CNST: variants seen among roughly 807,000 people sequenced by gnomAD.
The protein encoded by CNST is consortin, connexin sorting protein.
Under a neutral mutation model 72.4 loss-of-function variants are expected in CNST, and 39 were observed. The ratio of observed to expected loss-of-function variants is 0.54; its 90% CI spans 0.42 to 0.70. CNST has a LOEUF of 0.70. CNST is among the 30% of genes least tolerant of loss of function. CNST has a pLI of 0.00. For synonymous variants in CNST, 332 were observed against 320.1 expected, an observed-to-expected ratio of 1.04 and a Z score of -0.40; for missense variants, 871 against 868.5, an observed-to-expected ratio of 1.00 and a Z score of -0.04.
intron 9 of CNST, among the ~76,000 whole-genome samples, chr1:246,648,501 A>G (rs756517684): frequency 1.1e-4 from 17 of 152,224 alleles, no homozygotes; most frequent in South Asian, 2.1e-4. Flanking sequence ...ATTTTAAAAT[A>G]TAAGAGGTAC....
chr1:246,647,526 T>A lies in CNST; in HGVS notation c.1325T>A (p.Ile442Lys). Residue 442 changes from isoleucine (I) to lysine (K), a missense_variant, in exon 9 of 11, where the codon ATA becomes AAA. Ile to Lys is a moderately radical substitution (Grantham distance 102). Transcript: ENST00000366513. ...TTGATTTCACCAGGCTGTGACCGTA[T>A]ACCTCCTGCATTGATTTCTGAGGGT... ...EPLISPGCDR[I>K]PPALISEGKY... 1 of 1,614,188 alleles carries A rather than the reference T, an allele frequency of 6.2e-7. No individual in the cohort carries two copies. The highest frequency in any genetic ancestry group is 8.5e-7 in the Non-Finnish European group (1 of 1,180,030).
chr1:246,641,698 AT>A, intron 6 of CNST, 50 bp from the exon 7 acceptor site: 1 of 1,042,176 alleles, frequency 9.6e-7, no homozygotes, highest in Non-Finnish European at 1.5e-6. Flanking sequence ...TTGGAAGCAT[AT>A]TGCTGCTGTA....
intron 1 of CNST, among the ~76,000 whole-genome samples, chr1:246,574,251 C>T (rs892523199): frequency 2.3e-4 from 35 of 152,238 alleles, no homozygotes; most frequent in Admixed American, 9.2e-4. Context: ...CCGTGTTAGC[C>T]AGGATGGTCT....
chr1:246,607,385 T>C (rs1662939192), intron 2 of CNST: 1 of 152,130 alleles, frequency 6.6e-6, no homozygotes, highest in Admixed American at 6.5e-5. Context: ...GGTTTTTTCC[T>C]GGCTAGGGAG....
At position 246,605,641 on chromosome 1, in the gene CNST, C is replaced by T. The variant is rs138061524; in HGVS notation, c.379+13700C>T. Reference sequence around the variant, plus strand: ...CCTGGATGGCCTCTCTGTCTATCCTCGGTGGTGGGTGTCTTCCGGCCGGGG... The same window carrying T: ...CCTGGATGGCCTCTCTGTCTATCCTTGGTGGTGGGTGTCTTCCGGCCGGGG... On this transcript the variant is annotated intron_variant, in intron 2 of 10. Transcript: ENST00000366513. 7.4e-3 allele frequency among the ~76,000 whole-genome samples: 1,103 copies of T among 148,590 alleles called. 2 individuals carry two copies. The highest frequency in any genetic ancestry group is 0.012 in the Non-Finnish European group (794 of 65,746).
At chr1:246,620,120 G>C (rs1298221419) in intron 2 of CNST, among the ~76,000 whole-genome samples, 1 of 27,406 alleles carries the variant, frequency 3.6e-5, no homozygotes. Flanking sequence ...GCTTCATCGT[G>C]GTGCATACAC....
At chr1:246,640,788 A>G (rs534176435) in intron 6 of CNST, among the ~76,000 whole-genome samples, 1 of 152,316 alleles carries the variant, frequency 6.6e-6, no homozygotes, top group African/African-American at 2.4e-5. Flanking sequence ...TTATGCTTCA[A>G]AATTTGGATA....
chr1:246,635,699 G>A (rs1178461694), intron 6 of CNST, among the ~76,000 whole-genome samples: 2 of 152,190 alleles, frequency 1.3e-5, no homozygotes, highest in African/African-American at 4.8e-5. Context: ...TTTGGTTAGT[G>A]ATTATCTCTA....
At chr1:246,622,946 C>G (rs752629651) in intron 3 of CNST, among the ~76,000 whole-genome samples, 3 of 152,094 alleles carry the variant, frequency 2.0e-5, no homozygotes, top group Non-Finnish European at 4.4e-5. Flanking sequence ...GCCTTAGCCT[C>G]CTGAGTAGCT....
At chr1:246,617,084 T>C (rs1020995945) in intron 2 of CNST, among the ~76,000 whole-genome samples, 1 of 152,240 alleles carries the variant, frequency 6.6e-6, no homozygotes, top group African/African-American at 2.4e-5. Context: ...ATTTTCTTTA[T>C]TATTGCTTTT....
chr1:246,573,808 T>C (rs570300383), intron 1 of CNST, among the ~76,000 whole-genome samples: 5 of 152,338 alleles, frequency 3.3e-5, no homozygotes, highest in South Asian at 4.1e-4. Context: ...CCACGTACTT[T>C]GTATAGCCTT....
intron 1 of CNST, among the ~76,000 whole-genome samples, chr1:246,589,876 C>G (rs2103023393): frequency 6.6e-6 from 1 of 152,284 alleles, no homozygotes; most frequent in East Asian, 1.9e-4. Flanking sequence ...TGATGATGAG[C>G]ATTTTTTCAT....
chr1:246,662,959 A>G (rs1225594925), intron 10 of CNST, among the ~76,000 whole-genome samples: 1 of 152,212 alleles, frequency 6.6e-6, no homozygotes, highest in Non-Finnish European at 1.5e-5. Context: ...TTTAAGCTAT[A>G]TTTAAATGTT....
chr1:246,625,663 G>A (rs1174882077), intron 3 of CNST, among the ~76,000 whole-genome samples: 1 of 151,696 alleles, frequency 6.6e-6, no homozygotes, highest in East Asian at 1.9e-4. Flanking sequence ...CTCACGATCC[G>A]CCCGCCTCGG....
intron 6 of CNST, among the ~76,000 whole-genome samples, chr1:246,637,809 CATG>C (rs1213184154): frequency 2.0e-5 from 3 of 152,132 alleles, no homozygotes; most frequent in African/African-American, 7.2e-5. Flanking sequence ...GAATTGTATA[CATG>C]ATGAGAGTTT....
chr1:246,660,596 G>A (rs967742939), intron 10 of CNST, among the ~76,000 whole-genome samples: 15 of 152,058 alleles, frequency 9.9e-5, no homozygotes, highest in African/African-American at 3.1e-4. Flanking sequence ...GTGGGGGTAC[G>A]CGCCTGTAAT....
intron 1 of CNST, among the ~76,000 whole-genome samples, chr1:246,569,493 C>A (rs142738062): frequency 4.7e-4 from 72 of 152,272 alleles, no homozygotes; most frequent in African/African-American, 1.7e-3. Context: ...ATTAAAAACT[C>A]CTCTTCCTGA....
At chr1:246,568,408 G>A (rs1453753698) in intron 1 of CNST, among the ~76,000 whole-genome samples, 1 of 152,132 alleles carries the variant, frequency 6.6e-6, no homozygotes, top group Non-Finnish European at 1.5e-5. Context: ...AATAATAAGA[G>A]ATTTTTGTAC....
Position 246,633,960 on chromosome 1 carries a change from T to C in CNST, c.653T>C (p.Leu218Ser). Residue 218 changes from leucine (L) to serine (S), a missense_variant, in exon 5 of 11, where the codon TTG (leucine) becomes TCG (serine). Leu to Ser is a moderately radical substitution (Grantham distance 145). Coordinates refer to ENST00000366513, the MANE Select transcript of CNST (RefSeq NM_152609.3). ...KAMKFIQLER[L>S]YHEQLLANLS... ...ATGAAATTCATTCAGCTAGAACGAT[T>C]GTATCATGAGCAATTGCTCGCAAAT... 2 of 1,613,290 alleles carry C rather than the reference T, an allele frequency of 1.2e-6. No homozygotes were observed. The highest frequency in any genetic ancestry group is 1.7e-6 in the Non-Finnish European group (2 of 1,179,250).
Sources: gnomAD v4.1 joint callset for allele counts (sites outside exome capture counted in the v4.1 genomes callset) on GRCh38, gnomAD v4.1.1 for gene constraint, MANE v1.5 for transcripts, NCBI Gene and HGNC (gene_info 2026-07-23, HGNC 2026-07-21) for gene names.